Variants in SCOC observed in about 807,000 individuals in gnomAD.
SCOC encodes the protein short coiled coil protein.
SCOC carries 7 observed loss-of-function variants against 9.9 expected under a neutral mutation model. The ratio of observed to expected loss-of-function variants is 0.71; its 90% CI spans 0.40 to 1.33. The LOEUF (loss-of-function observed/expected upper bound fraction) is 1.33, where lower values mean the gene tolerates loss of function less well. Ranked by LOEUF, SCOC falls within the 40% of genes most tolerant of loss-of-function variation. The pLI is 0.01. For missense variants in SCOC, 66 were observed against 89.7 expected (o/e 0.74, Z 1.07); for synonymous variants, 19 against 28.2 (o/e 0.67, Z 1.03).
At chr4:140,307,199 T>C (rs1362856931) in intron 1 of SCOC, among the ~76,000 whole-genome samples, 3 of 152,202 alleles carry the variant, frequency 2.0e-5, no homozygotes, top group African/African-American at 7.2e-5. Context: ...TGCTTATACA[T>C]TTCTGTTGCC....
upstream of SCOC, among the ~76,000 whole-genome samples, chr4:140,370,366 T>C (rs1466341775): frequency 6.6e-6 from 1 of 152,226 alleles, no homozygotes; most frequent in Non-Finnish European, 1.5e-5. Flanking sequence ...CAAATGTCCA[T>C]TAGGTCAAGT....
At chr4:140,358,493 A>C (rs1263374597) in intron 2 of SCOC, among the ~76,000 whole-genome samples, 1 of 152,198 alleles carries the variant, frequency 6.6e-6, no homozygotes, top group Admixed American at 6.5e-5. Flanking sequence ...TAACCTCTCT[A>C]AACTTCAGTT....
chr4:140,278,010 T>C (rs1407599029), intron 1 of SCOC, among the ~76,000 whole-genome samples: 1 of 152,270 alleles, frequency 6.6e-6, no homozygotes, highest in Non-Finnish European at 1.5e-5. Context: ...ACACAGTTTA[T>C]ATAATTCTAT....
chr4:140,362,313 T>TCTTCTTCTTCTTCCTCTTCCTC (rs1727594134), intron 2 of SCOC, among the ~76,000 whole-genome samples: 3 of 84,224 alleles, frequency 3.6e-5, no homozygotes, highest in African/African-American at 1.2e-4. Context: ...TTTTTTTTTT[T>TCTTCTTCTTCTTCCTCTTCCTC]TTGTGAGAGT....
Position 140,384,813 on chromosome 4 carries a change from A to T in SCOC, c.*3709A>T, listed in dbSNP as rs1172938456. The T allele has an allele frequency of 6.6e-6, 1 of 152,166 alleles. No homozygotes were observed. The highest frequency in any genetic ancestry group is 1.5e-5 in the Non-Finnish European group (1 of 68,028). The allele number at this position is 152,166 out of a possible 1,614,324, so 9.4% of individuals were successfully genotyped here. The stretch of plus-strand genomic sequence containing the variant: ...CTGAATGTGTCCTCCCAAAATTCTT[A>T]GGTTGAAATCCTAACCCCAATGTGA... On this transcript the variant is annotated 3_prime_UTR_variant, in exon 4 of 4. Coordinates refer to ENST00000608372, the MANE Select transcript of SCOC (RefSeq NM_001153484.2).
At chr4:140,270,584 A>C (rs1730821476) in intron 1 of SCOC, among the ~76,000 whole-genome samples, 2 of 152,168 alleles carry the variant, frequency 1.3e-5, no homozygotes, top group Non-Finnish European at 2.9e-5. Flanking sequence ...TAATTTTAGC[A>C]GGCTCTGAGG....
chr4:140,286,078 G>C lies in SCOC; in HGVS notation c.-19+28668G>C, dbSNP rs370834834. Among the ~76,000 whole-genome samples, 46 of 152,110 alleles carry C rather than the reference G, an allele frequency of 3.0e-4. No individual in the cohort carries two copies. In the East Asian group the frequency reaches 6.0e-3, roughly 20 times the overall value. On this transcript the variant is annotated intron_variant, in intron 1 of 4. Transcript: ENST00000394205. ...TGGATGTCTGTAATTCCAGGTGCTC[G>C]GGGGCTAAGGCAGGAGAATTGTTTG...
intron 1 of SCOC, among the ~76,000 whole-genome samples, chr4:140,301,286 G>A (rs536654531): frequency 2.4e-4 from 36 of 152,196 alleles, no homozygotes; most frequent in African/African-American, 8.4e-4. Flanking sequence ...TTTCTGTTCC[G>A]GGGTCTTTCA....
intron 2 of SCOC, among the ~76,000 whole-genome samples, chr4:140,367,448 T>C (rs1375070438): frequency 6.6e-6 from 1 of 151,972 alleles, no homozygotes; most frequent in African/African-American, 2.4e-5. Context: ...GGCGTGATCT[T>C]AGCTAACTGC....
chr4:140,292,146 T>C (rs1048122390), intron 1 of SCOC, among the ~76,000 whole-genome samples: 1 of 151,942 alleles, frequency 6.6e-6, no homozygotes, highest in Non-Finnish European at 1.5e-5. Context: ...TCAACCACCT[T>C]GATCACGCAT....
upstream of SCOC, among the ~76,000 whole-genome samples, chr4:140,369,657 T>C (rs1449911661): frequency 2.0e-5 from 3 of 152,140 alleles, no homozygotes; most frequent in African/African-American, 4.8e-5. Flanking sequence ...ACATAATATA[T>C]TGCCTTGTAC....
chr4:140,296,200 G>A (rs1457985515), intron 1 of SCOC, among the ~76,000 whole-genome samples: 2 of 152,194 alleles, frequency 1.3e-5, no homozygotes, highest in South Asian at 2.1e-4. Flanking sequence ...TCACAGAGGG[G>A]TCTTCACAGC....
chr4:140,296,908 G>A (rs1480585409), intron 1 of SCOC, among the ~76,000 whole-genome samples: 3 of 152,098 alleles, frequency 2.0e-5, no homozygotes, highest in Non-Finnish European at 4.4e-5. Flanking sequence ...TGGGATTTAG[G>A]TCTTACATTC....
intron 1 of SCOC, among the ~76,000 whole-genome samples, chr4:140,296,512 C>A (rs1035987138): frequency 1.3e-5 from 2 of 152,150 alleles, no homozygotes; most frequent in African/African-American, 4.8e-5. Context: ...GGAAAATAAC[C>A]CACAGACTGA....
At chr4:140,356,712 C>G (rs1342026275) in intron 2 of SCOC, among the ~76,000 whole-genome samples, 1 of 152,126 alleles carries the variant, frequency 6.6e-6, no homozygotes, top group Non-Finnish European at 1.5e-5. Flanking sequence ...TCTATGTTCC[C>G]TTTACCAGTG....
intron 1 of SCOC, chr4:140,291,454 G>A (rs1159868741): frequency 2.2e-6 from 1 of 457,326 alleles, no homozygotes; most frequent in East Asian, 6.9e-5. Flanking sequence ...ATCTTGCCCA[G>A]TCAGCATGAT....
intron 1 of SCOC, among the ~76,000 whole-genome samples, chr4:140,333,341 C>T (rs1027134603): frequency 6.6e-6 from 1 of 151,998 alleles, no homozygotes; most frequent in Non-Finnish European, 1.5e-5. Context: ...TTTAGGTATA[C>T]ATACATGTGG....
chr4:140,269,347 T>C (rs961845626), intron 1 of SCOC, among the ~76,000 whole-genome samples: 2 of 152,122 alleles, frequency 1.3e-5, no homozygotes, highest in African/African-American at 2.4e-5. Context: ...TAAAAGGCCA[T>C]GTAGCTTTCA....
chr4:140,369,534 C>T (rs80039791), upstream of SCOC, among the ~76,000 whole-genome samples: 122 of 152,142 alleles, frequency 8.0e-4, no homozygotes, highest in Non-Finnish European at 1.4e-3. Context: ...CGTTTAGAAC[C>T]CTCTAATTAA....
Sources: gnomAD v4.1 joint callset for allele counts (sites outside exome capture counted in the v4.1 genomes callset) on GRCh38, gnomAD v4.1.1 for gene constraint, MANE v1.5 for transcripts, NCBI Gene and HGNC (gene_info 2026-07-23, HGNC 2026-07-21) for gene names.